The following CARMIL3 variants were observed in gnomAD, a reference collection of about 807,000 sequenced individuals.
The protein encoded by CARMIL3 is capping protein, Arp2/3 and myosin-I linker protein 3.
In CARMIL3, 88 loss-of-function variants were observed where a neutral mutation model predicts 180.8. The ratio of observed to expected loss-of-function variants is 0.49; its 90% confidence interval spans 0.41 to 0.58. The LOEUF (loss-of-function observed/expected upper bound fraction) is 0.58, where lower values mean the gene tolerates loss of function less well. CARMIL3 is among the 20% of genes least tolerant of loss of function. The pLI, the probability that CARMIL3 is intolerant of heterozygous loss-of-function variation, is 0.00. For missense variants in CARMIL3, 1,548 were observed against 1,787.0 expected, an observed-to-expected ratio of 0.87 and a Z score of 2.41; for synonymous variants, 696 against 714.5, an observed-to-expected ratio of 0.97 and a Z score of 0.41.
chr14:24,060,336 A>G, intron 24 of CARMIL3, 81 bp downstream of exon 24: 5 of 1,471,964 alleles, frequency 3.4e-6, no homozygotes, highest in Non-Finnish European at 4.7e-6. Flanking sequence ...TGAGTGGGGG[A>G]GCATGAAGAG....
At position 24,054,327 on chromosome 14, in the gene CARMIL3, C is replaced by A; in HGVS notation, c.246+26C>A. The A allele has an allele frequency of 6.2e-7, 1 of 1,614,100 alleles. No homozygotes were observed. The highest frequency in any genetic ancestry group is 8.5e-7 in the Non-Finnish European group (1 of 1,179,954). ...GTGAGTACCAGGGCTTTGGGCCCCA[C>A]TACTGGGCCAGCTGGAGGAGGGAGC... On this transcript the variant is annotated intron_variant, in intron 4 of 39. Transcript: ENST00000342740. The surrounding 1 kb of genome is among the most constrained non-coding windows in gnomAD (Gnocchi z 5.1).
chr14:24,065,586 C>A (rs984367180), intron 33 of CARMIL3, 36 bp from the exon 34 acceptor site: 2 of 1,576,378 alleles, frequency 1.3e-6, no homozygotes, highest in African/African-American at 2.7e-5. Flanking sequence ...CCCCCTTCGA[C>A]TGGGAACTGC....
At chr14:24,064,111 A>AAT in intron 31 of CARMIL3, 135 bp from the exon 32 acceptor site, 1 of 378,864 alleles carries the variant, frequency 2.6e-6, no homozygotes, top group Non-Finnish European at 4.5e-6. Flanking sequence ...AAAAAAAAAA[A>AAT]GAAAAAGAAA....
At chr14:24,062,352 T>C in intron 27 of CARMIL3, 128 bp from the exon 28 acceptor site, 1 of 847,934 alleles carries the variant, frequency 1.2e-6, no homozygotes, top group Non-Finnish European at 2.0e-6. Context: ...AGCAGCCACA[T>C]GCGCTCCATG....
intron 30 of CARMIL3, 39 bp downstream of exon 30, chr14:24,063,222 C>G (rs1329210893): frequency 6.2e-7 from 1 of 1,604,340 alleles, no homozygotes; most frequent in Non-Finnish European, 8.5e-7. Context: ...ACTCCAGACT[C>G]CCGCCCTCTG....
chr14:24,063,005 C>A (rs2035747681), intron 29 of CARMIL3, 115 bp from the exon 30 acceptor site: 26 of 1,542,720 alleles, frequency 1.7e-5, no homozygotes, highest in Non-Finnish European at 2.0e-5. Context: ...TCCCTCATCC[C>A]AGTGCCTCAG....
rs561233929 is a variant in CARMIL3 at position 24,060,130 on chromosome 14, C to T, written c.1963-27C>T. 3 of 1,613,944 alleles carry T rather than the reference C, an allele frequency of 1.9e-6. No individual in the cohort carries two copies. In the African/African-American group the frequency reaches 4.0e-5, roughly 21 times the overall value. On this transcript the variant is annotated intron_variant, in intron 23 of 39. Coordinates refer to ENST00000342740, the MANE Select transcript of CARMIL3 (RefSeq NM_138360.4). Reference sequence around the variant, plus strand: ...AGGGGGCAGCCCCCATCCCCAGGCCCTGACCCACCAACCCCATCATCTCCA... The same window carrying T: ...AGGGGGCAGCCCCCATCCCCAGGCCTTGACCCACCAACCCCATCATCTCCA...
At position 24,057,000 on chromosome 14, in the gene CARMIL3, G is replaced by T; in HGVS notation, c.1038G>T (p.Gly346=). The T allele has an allele frequency of 1.2e-6, 2 of 1,613,746 alleles. No homozygotes were observed. Among genetic ancestry groups the T allele is most frequent in the South Asian group, 1.1e-5 (1 of 90,968 alleles). The part of the protein sequence containing the change: ...LRYLDLSKNP[G]LLATDEANAL... ...ACCTGGACCTGAGCAAGAATCCTGG[G>T]CTCCTCGCCACGGATGAGGCCAATG... is the stretch of plus-strand genomic sequence containing the variant. Residue 346 remains glycine (G), a synonymous_variant, in exon 13 of 40, where the codon GGG becomes GGT. Coordinates refer to ENST00000342740, the MANE Select transcript of CARMIL3 (RefSeq NM_138360.4).
intron 36 of CARMIL3, among the ~76,000 whole-genome samples, chr14:24,068,049 G>A (rs552374264): frequency 6.6e-6 from 1 of 152,260 alleles, no homozygotes; most frequent in Non-Finnish European, 1.5e-5. Context: ...CCCCTCCAGA[G>A]GTGATGGCCT....
rs574279274 is a variant in CARMIL3 at position 24,052,561 on chromosome 14, T to A, written c.40+368T>A. On this transcript the variant is annotated intron_variant, in intron 1 of 39. Coordinates refer to ENST00000342740, the MANE Select transcript of CARMIL3 (RefSeq NM_138360.4). Reference sequence around the variant, plus strand: ...CGCCGGGCGGGGCCAAGCCCGCCCCTCCCTGCGATGGGAGCTGCCCCTGGT... The same window carrying A: ...CGCCGGGCGGGGCCAAGCCCGCCCCACCCTGCGATGGGAGCTGCCCCTGGT... Among the ~76,000 whole-genome samples the A allele has an allele frequency of 2.0e-5, 3 of 152,178 alleles. No homozygotes were observed. The South Asian group carries it at 6.2e-4, about 32-fold the overall frequency.
At chr14:24,064,819 G>A in intron 32 of CARMIL3, 139 bp from the exon 33 acceptor site, 1 of 872,744 alleles carries the variant, frequency 1.1e-6, no homozygotes, top group Non-Finnish European at 1.8e-6. Context: ...GGAAAGGCAA[G>A]GGCATCATCT....
At chr14:24,062,637 T>C in intron 28 of CARMIL3, 70 bp downstream of exon 28, 1 of 1,613,130 alleles carries the variant, frequency 6.2e-7, no homozygotes, top group Non-Finnish European at 8.5e-7. Context: ...GTCTCCCTAA[T>C]CACCCTCCCC....
Position 24,061,421 on chromosome 14 carries a change from TAA to T in CARMIL3, c.2305-74_2305-73del. 6.9e-7 allele frequency: 1 copy of T among 1,459,394 alleles called. No individual in the cohort carries two copies. Among genetic ancestry groups the T allele is most frequent in the Middle Eastern group, 1.8e-4 (1 of 5,452 alleles). The allele number at this position is 1,459,394 out of a possible 1,614,324, so 90.4% of individuals were successfully genotyped here. On this transcript the variant is annotated intron_variant, in intron 26 of 39. Transcript: ENST00000342740. The surrounding 1 kb of genome is among the most constrained non-coding windows in gnomAD (Gnocchi z 4.1). ...TCTCAGCAGGAGGGGCTGGAATAGA[TAA>T]AGTCTCTTCTGCTGTGGTGCCAGCC...
rs756292979 is a variant in CARMIL3 at position 24,059,660 on chromosome 14, C to A, written c.1800-4C>A. The A allele has an allele frequency of 5.6e-6, 9 of 1,614,006 alleles. No homozygotes were observed. Among genetic ancestry groups the A allele is most frequent in the Admixed American group, 5.0e-5 (3 of 60,006 alleles). ...TGCCAAACTGGTGCTTACCCTCCCCCCAGAACTATCCTATGGGATCGGAAC... is the reference window on the plus strand; with the variant it reads ...TGCCAAACTGGTGCTTACCCTCCCCACAGAACTATCCTATGGGATCGGAAC... On this transcript the variant is annotated splice_region_variant and splice_polypyrimidine_tract_variant and intron_variant, in intron 21 of 39. Transcript: ENST00000342740. This position sits in a 1 kb window ranked among gnomAD's most constrained non-coding sequence, Gnocchi z 6.3.
rs759759636 is a variant in CARMIL3, at chr14:24,054,860, G to A, written c.460+52G>A. The A allele has an allele frequency of 1.9e-6, 3 of 1,564,396 alleles. No individual in the cohort carries two copies. The highest frequency in any genetic ancestry group is 2.6e-6 in the Non-Finnish European group (3 of 1,139,044). On this transcript the variant is annotated intron_variant, in intron 6 of 39. Transcript: ENST00000342740. The surrounding 1 kb of genome is among the most constrained non-coding windows in gnomAD (Gnocchi z 5.1). ...TAGGCGCTCCACCATCTTGCCCCAT[G>A]ATCAGAGCCCTTTGTGCACAGGGTG... is the stretch of plus-strand genomic sequence containing the variant.
intron 1 of CARMIL3, among the ~76,000 whole-genome samples, chr14:24,052,650 G>A (rs552589320): frequency 1.3e-5 from 2 of 152,352 alleles, no homozygotes; most frequent in African/African-American, 4.8e-5. Context: ...TGGCCCTGAA[G>A]AGCCCCTTAG....
At chr14:24,057,591 C>T (rs892860118) in intron 14 of CARMIL3, among the ~76,000 whole-genome samples, 7 of 152,232 alleles carry the variant, frequency 4.6e-5, no homozygotes, top group South Asian at 4.1e-4. Flanking sequence ...AGCTTCATGC[C>T]CCTGGAAGCC....
rs1412840323 is a variant in CARMIL3 at position 24,063,263 on chromosome 14, T to A, written c.2771-62T>A. The A allele has an allele frequency of 1.9e-6, 3 of 1,592,580 alleles. No individual in the cohort carries two copies. In the African/African-American group the frequency reaches 4.0e-5, roughly 21 times the overall value. Reference sequence around the variant, plus strand: ...CCTCTTTCCCTTGATTTTTTCTCTGTCTCCCCATCCTGCTTTCTCCCCATT... The same window carrying A: ...CCTCTTTCCCTTGATTTTTTCTCTGACTCCCCATCCTGCTTTCTCCCCATT... On this transcript the variant is annotated intron_variant, in intron 30 of 39. Transcript: ENST00000342740.
chr14:24,060,231 C>T lies in CARMIL3; in HGVS notation c.2037C>T (p.Gly679=). 6.2e-7 allele frequency: 1 copy of T among 1,614,178 alleles called. No homozygotes were observed. The highest frequency in any genetic ancestry group is 8.5e-7 in the Non-Finnish European group (1 of 1,180,028). Residue 679 remains glycine (G), a synonymous_variant, in exon 24 of 40, where the codon GGC becomes GGT. Coordinates refer to ENST00000342740, the MANE Select transcript of CARMIL3 (RefSeq NM_138360.4). Reference sequence around the variant, plus strand: ...AGCAGGCCTTCAGGTTGCAGCAGGGCCTGGTGACCAGCAGCGCCGAGCAAG... The same window carrying T: ...AGCAGGCCTTCAGGTTGCAGCAGGGTCTGGTGACCAGCAGCGCCGAGCAAG... ...PQEQAFRLQQ[G]LVTSSAEQML...
Sources: gnomAD v4.1 joint callset for allele counts (sites outside exome capture counted in the v4.1 genomes callset) on GRCh38, gnomAD v4.1.1 for gene constraint, Gnocchi (gnomAD v3.1) non-coding constraint, MANE v1.5 for transcripts, NCBI Gene and HGNC (gene_info 2026-07-23, HGNC 2026-07-21) for gene names.